Variants in FARP1 observed in about 807,000 individuals in gnomAD.
FARP1 encodes FERM, ARH/RhoGEF and pleckstrin domain protein 1.
FARP1 carries 52 observed loss-of-function variants against 128.8 expected under a neutral mutation model. That is an observed-to-expected ratio of 0.40 (90% CI 0.32 to 0.51). The LOEUF is 0.51. FARP1 is among the 20% of genes least tolerant of loss of function. The pLI, the probability that FARP1 is intolerant of heterozygous loss-of-function variation, is 0.45. For missense variants in FARP1, 1,333 were observed against 1,367.9 expected (o/e 0.97, Z 0.40); for synonymous variants, 580 against 551.8 (o/e 1.05, Z -0.72).
At chr13:98,258,305 G>T (rs1291665935) in intron 2 of FARP1, among the ~76,000 whole-genome samples, 1 of 151,992 alleles carries the variant, frequency 6.6e-6, no homozygotes, top group African/African-American at 2.4e-5. Flanking sequence ...TAAACTTAAA[G>T]AAAAAACATA....
At chr13:98,392,191 A>G (rs1890329021) in intron 11 of FARP1, among the ~76,000 whole-genome samples, 1 of 151,876 alleles carries the variant, frequency 6.6e-6, no homozygotes, top group African/African-American at 2.4e-5. Context: ...GAGTGTGTAG[A>G]ATTGCTCTGG....
intron 13 of FARP1, chr13:98,400,571 A>G (rs2140088677): frequency 6.6e-6 from 1 of 152,306 alleles, no homozygotes; most frequent in East Asian, 1.9e-4. Flanking sequence ...AAATTAACAA[A>G]TCTGGGTTCC....
chr13:98,194,262 G>A (rs1231278905), intron 1 of FARP1, among the ~76,000 whole-genome samples: 10 of 151,988 alleles, frequency 6.6e-5, no homozygotes, highest in African/African-American at 9.7e-5. Context: ...GATTACAGGC[G>A]CCTGCTACCA....
chr13:98,352,152 T>C (rs1888461020), intron 3 of FARP1, among the ~76,000 whole-genome samples: 1 of 151,958 alleles, frequency 6.6e-6, no homozygotes, highest in Non-Finnish European at 1.5e-5. Context: ...CTAGATGCCA[T>C]AGTAAGTCCT....
intron 2 of FARP1, among the ~76,000 whole-genome samples, chr13:98,275,858 A>C (rs1284352552): frequency 1.3e-5 from 2 of 152,198 alleles, no homozygotes; most frequent in African/African-American, 4.8e-5. Context: ...CATAGTTGAG[A>C]ATCATAAAAT....
chr13:98,417,455 GAAAAAAA>G (rs869304302), intron 16 of FARP1, among the ~76,000 whole-genome samples: 28 of 58,478 alleles, frequency 4.8e-4, no homozygotes, highest in South Asian at 1.3e-3. Flanking sequence ...CCAGAGGTTT[GAAAAAAA>G]AAAAAAAAAA....
intron 2 of FARP1, among the ~76,000 whole-genome samples, chr13:98,334,782 C>T (rs1162336583): frequency 6.6e-6 from 1 of 152,222 alleles, no homozygotes; most frequent in East Asian, 1.9e-4. Context: ...CTCTCGCTTG[C>T]TGTCACTCAG....
chr13:98,369,086 C>T (rs1239215130), intron 5 of FARP1, among the ~76,000 whole-genome samples: 1 of 152,058 alleles, frequency 6.6e-6, no homozygotes, highest in Non-Finnish European at 1.5e-5. Context: ...CCACCACACC[C>T]AGCTAATTTT....
At chr13:98,217,098 C>G (rs1275201168) in intron 2 of FARP1, among the ~76,000 whole-genome samples, 1 of 152,176 alleles carries the variant, frequency 6.6e-6, no homozygotes, top group African/African-American at 2.4e-5. Context: ...GGCGGGTAAA[C>G]AAACACAGTT....
chr13:98,261,494 C>G (rs953845788), intron 2 of FARP1, among the ~76,000 whole-genome samples: 2 of 152,084 alleles, frequency 1.3e-5, no homozygotes, highest in South Asian at 2.1e-4. Flanking sequence ...TCAGTCAGCT[C>G]CCACTGGTAT....
chr13:98,255,992 A>G (rs1883569168), intron 2 of FARP1, among the ~76,000 whole-genome samples: 1 of 152,242 alleles, frequency 6.6e-6, no homozygotes, highest in African/African-American at 2.4e-5. Flanking sequence ...CGTTAAAGCA[A>G]CAACCCTTCT....
chr13:98,381,031 C>G (rs559264937), intron 6 of FARP1, among the ~76,000 whole-genome samples: 2 of 152,182 alleles, frequency 1.3e-5, no homozygotes, highest in Admixed American at 6.5e-5. Context: ...ATTTTCCCCC[C>G]AGAAACCAGC....
intron 13 of FARP1, chr13:98,399,738 A>G (rs371600585): frequency 1.3e-5 from 2 of 152,198 alleles, no homozygotes; most frequent in Non-Finnish European, 2.9e-5. Flanking sequence ...GACAAGCCCT[A>G]TGTAAACACA....
chr13:98,290,362 A>T (rs1302812266), intron 2 of FARP1, among the ~76,000 whole-genome samples: 1 of 151,888 alleles, frequency 6.6e-6, no homozygotes, highest in African/African-American at 2.4e-5. Context: ...TTTAGCAGAG[A>T]CCTATGGGAA....
chr13:98,440,573 T>A, intron 23 of FARP1, 97 bp from the exon 24 acceptor site: 2 of 1,302,512 alleles, frequency 1.5e-6, no homozygotes, highest in South Asian at 1.4e-5. Flanking sequence ...AGGTTGTGAC[T>A]GCTGTGAGCC....
chr13:98,240,929 G>T (rs747457744), intron 2 of FARP1, among the ~76,000 whole-genome samples: 10 of 152,226 alleles, frequency 6.6e-5, no homozygotes, highest in Non-Finnish European at 1.3e-4. Context: ...CTTCCTAGGA[G>T]TTACAAGATC....
At chr13:98,196,144 G>C (rs1241671566) in intron 1 of FARP1, among the ~76,000 whole-genome samples, 1 of 152,202 alleles carries the variant, frequency 6.6e-6, no homozygotes, top group Non-Finnish European at 1.5e-5. Flanking sequence ...CCAGCAGCTT[G>C]ATTGGCACTT....
At chr13:98,438,739 C>T in intron 19 of FARP1, 65 bp from the exon 20 acceptor site, 3 of 1,359,630 alleles carry the variant, frequency 2.2e-6, no homozygotes, top group Admixed American at 1.7e-5. Context: ...GGGGTCTGCA[C>T]ACTGGCCGTC....
intron 2 of FARP1, among the ~76,000 whole-genome samples, chr13:98,265,111 G>A (rs1884042300): frequency 1.3e-5 from 2 of 152,140 alleles, no homozygotes; most frequent in Non-Finnish European, 2.9e-5. Context: ...AGTGTTTGTG[G>A]AAATGAACTG....
Sources: allele counts gnomAD v4.1 joint callset (sites outside exome capture counted in the v4.1 genomes callset), GRCh38; gene constraint gnomAD v4.1.1; transcripts MANE v1.5; gene names NCBI Gene and HGNC (gene_info 2026-07-23, HGNC 2026-07-21).